RIMS3: variants seen among roughly 807,000 people sequenced by gnomAD.
RIMS3 encodes the protein regulating synaptic membrane exocytosis protein 3.
Under a neutral mutation model 29.2 loss-of-function variants are expected in RIMS3, and 15 were observed. The ratio of observed to expected loss-of-function variants is 0.51; its 90% CI spans 0.34 to 0.79. The LOEUF (loss-of-function observed/expected upper bound fraction) is 0.79. Among genes scored for constraint, RIMS3 ranks in the 30% least tolerant of loss-of-function variants. The pLI, the probability that RIMS3 is intolerant of heterozygous loss-of-function variation, is 0.01. For synonymous variants in RIMS3, 161 were observed against 170.1 expected (o/e 0.95, Z 0.41); for missense variants, 342 against 421.4 (o/e 0.81, Z 1.65).
At chr1:40,626,955 G>A (rs1646458593) in intron 7 of RIMS3, among the ~76,000 whole-genome samples, 1 of 152,232 alleles carries the variant, frequency 6.6e-6, no homozygotes, top group South Asian at 2.1e-4. Context: ...AGCCATGTAG[G>A]TAGGGGTGCT....
In RIMS3 at chr1:40,633,324, C is replaced by T. The variant is rs138259848; in HGVS notation, c.360-143G>A. ...GTTTCTCCTCTAAACAGTATGATTG[C>T]ACTACTCTGGGAAAGGACAAACAGA... On this transcript the variant is annotated intron_variant, in intron 4 of 7. Coordinates refer to ENST00000372684, the MANE Select transcript of RIMS3 (RefSeq NM_014747.3). The T allele has an allele frequency of 6.9e-4, 425 of 617,914 alleles. 4 individuals carry two copies. The African/African-American group carries it at 7.0e-3, about 10-fold the overall frequency. The allele number at this position is 617,914 out of a possible 1,614,324, so 38.3% of individuals were successfully genotyped here.
chr1:40,637,881 T>C (rs889304711), intron 3 of RIMS3, among the ~76,000 whole-genome samples: 3 of 152,084 alleles, frequency 2.0e-5, no homozygotes, highest in African/African-American at 7.2e-5. Context: ...TAACTCTACA[T>C]CCTCTCTAAC....
chr1:40,646,379 G>A (rs1646595629), intron 2 of RIMS3, among the ~76,000 whole-genome samples: 1 of 152,174 alleles, frequency 6.6e-6, no homozygotes, highest in Non-Finnish European at 1.5e-5. Context: ...GTGGTTAGGA[G>A]CAGGCAGGAC....
rs1198594578 is a variant in RIMS3, at chr1:40,623,759, G to C, written c.*2758C>G. On this transcript the variant is annotated 3_prime_UTR_variant, in exon 8 of 8. Transcript: ENST00000372684. ...CCTCTTCTGGGACAGGCTAGGTCCA[G>C]AGTGGCTTTTCAGACAAGCCCCTGC... 1.1e-5 allele frequency: 4 copies of C among 379,482 alleles called. No individual in the cohort carries two copies. The highest frequency in any genetic ancestry group is 3.8e-5 in the East Asian group (1 of 26,530). The allele number at this position is 379,482 out of a possible 1,614,324, so 23.5% of individuals were successfully genotyped here. A position where few individuals can be genotyped will look rare whatever the true frequency, so the allele number is the denominator to read the frequency against.
At chr1:40,668,670 A>G (rs1171193443), upstream of RIMS3, among the ~76,000 whole-genome samples, 1 of 152,188 alleles carries the variant, frequency 6.6e-6, no homozygotes, top group Non-Finnish European at 1.5e-5. Context: ...AATCTTGGAG[A>G]TGGAAAAGAC....
the RIMS3 span, among the ~76,000 whole-genome samples, chr1:40,688,112 G>A: frequency 6.6e-6 from 1 of 152,120 alleles, no homozygotes; most frequent in Non-Finnish European, 1.5e-5. Context: ...TTACAGGCGT[G>A]TGCCACCATG....
intron 1 of RIMS3, among the ~76,000 whole-genome samples, chr1:40,653,765 T>C (rs1296359588): frequency 2.0e-5 from 3 of 152,154 alleles, no homozygotes; most frequent in African/African-American, 4.8e-5. Context: ...CAAAGCCTTA[T>C]TACCGGTGAG....
the RIMS3 span, among the ~76,000 whole-genome samples, chr1:40,675,882 C>T: frequency 4.6e-5 from 7 of 151,672 alleles, no homozygotes; most frequent in South Asian, 8.3e-4. Flanking sequence ...GAGTGATGAT[C>T]GTGGCACTGT....
chr1:40,657,754 A>G (rs1642291772), intron 1 of RIMS3, among the ~76,000 whole-genome samples: 1 of 151,210 alleles, frequency 6.6e-6, no homozygotes, highest in Admixed American at 6.6e-5. Context: ...CTCAAAAAAA[A>G]AAAAAAAAAA....
At chr1:40,663,867 G>A (rs1397684493) in intron 1 of RIMS3, among the ~76,000 whole-genome samples, 1 of 152,196 alleles carries the variant, frequency 6.6e-6, no homozygotes, top group African/African-American at 2.4e-5. Context: ...GCAGTTAGCT[G>A]CTGAGCCCTC....
At chr1:40,677,383 G>A in the RIMS3 span, among the ~76,000 whole-genome samples, 1 of 151,796 alleles carries the variant, frequency 6.6e-6, no homozygotes, top group East Asian at 1.9e-4. Context: ...TGGCTCAGTA[G>A]GATCTATAAG....
At chr1:40,687,289 T>C in the RIMS3 span, among the ~76,000 whole-genome samples, 1 of 147,780 alleles carries the variant, frequency 6.8e-6, no homozygotes, top group Non-Finnish European at 1.5e-5. Flanking sequence ...TTAATGTCAC[T>C]GAAATGTATA....
At chr1:40,653,683 C>T (rs1642229638) in intron 1 of RIMS3, among the ~76,000 whole-genome samples, 1 of 152,192 alleles carries the variant, frequency 6.6e-6, no homozygotes, top group Admixed American at 6.5e-5. Flanking sequence ...CAACTACACA[C>T]ACACTTACAT....
At chr1:40,656,360 TAAAAC>T (rs1642272852) in intron 1 of RIMS3, among the ~76,000 whole-genome samples, 2 of 152,290 alleles carry the variant, frequency 1.3e-5, no homozygotes, top group African/African-American at 4.8e-5. Context: ...AAAATGACAA[TAAAAC>T]AAACACAGTA....
chr1:40,643,515 C>T (rs1476108399), intron 2 of RIMS3, among the ~76,000 whole-genome samples: 1 of 138,530 alleles, frequency 7.2e-6, no homozygotes, highest in African/African-American at 2.8e-5. Flanking sequence ...CTTGCTCTGT[C>T]ACTCAGGCTG....
the RIMS3 span, among the ~76,000 whole-genome samples, chr1:40,680,884 A>G: frequency 6.6e-6 from 1 of 152,196 alleles, no homozygotes; most frequent in Non-Finnish European, 1.5e-5. Flanking sequence ...CAATTGCTGT[A>G]AAACATAACT....
rs1646444278 is a variant in RIMS3 at position 40,624,909 on chromosome 1, G to A, written c.*1608C>T. The A allele has an allele frequency of 1.3e-5, 2 of 152,610 alleles. No homozygotes were observed. The highest frequency in any genetic ancestry group is 6.5e-5 in the Admixed American group (1 of 15,270). 9.5% of individuals were successfully genotyped at this position (152,610 alleles called of 1,614,324 possible). A position where few individuals can be genotyped will look rare whatever the true frequency, so the allele number is the denominator to read the frequency against. On this transcript the variant is annotated 3_prime_UTR_variant, in exon 8 of 8. Coordinates refer to ENST00000372684, the MANE Select transcript of RIMS3 (RefSeq NM_014747.3). ...TGGGGCCACAGCCATTTCAGCACCT[G>A]GGGATAATGCCTGGAGAGAGGTGGA...
chr1:40,682,373 G>C, the RIMS3 span, among the ~76,000 whole-genome samples: 2 of 152,058 alleles, frequency 1.3e-5, no homozygotes, highest in African/African-American at 2.4e-5. Context: ...ATGTAAAGAG[G>C]GTATGTATTT....
chr1:40,646,705 G>A (rs1646598122), intron 2 of RIMS3, among the ~76,000 whole-genome samples: 1 of 152,036 alleles, frequency 6.6e-6, no homozygotes, highest in Admixed American at 6.6e-5. Flanking sequence ...CAGCTCCCCA[G>A]GAATAAGCTT....
Sources: gnomAD v4.1 joint callset for allele counts (sites outside exome capture counted in the v4.1 genomes callset) on GRCh38, gnomAD v4.1.1 for gene constraint, MANE v1.5 for transcripts, NCBI Gene and HGNC (gene_info 2026-07-23, HGNC 2026-07-21) for gene names.